Variants in PLCG2 observed in about 807,000 individuals in gnomAD.
PLCG2 encodes phospholipase C gamma 2.
A neutral mutation model predicts 175.6 loss-of-function variants in PLCG2; 69 were observed. The ratio of observed to expected loss-of-function variants is 0.39; its 90% CI spans 0.32 to 0.48. The LOEUF (loss-of-function observed/expected upper bound fraction) is 0.48. Ranked by LOEUF, PLCG2 falls within the 20% of genes least tolerant of loss-of-function variation. The pLI, the probability that PLCG2 is intolerant of heterozygous loss-of-function variation, is 0.91. For missense variants in PLCG2, 1,798 were observed against 1,650.9 expected (o/e 1.09, Z -1.54); for synonymous variants, 827 against 624.0 (o/e 1.33, Z -4.85).
chr16:81,862,165 T>A (rs150003022), intron 5 of PLCG2, among the ~76,000 whole-genome samples: 1 of 152,328 alleles, frequency 6.6e-6, no homozygotes, highest in African/African-American at 2.4e-5. Flanking sequence ...CGAATCGTGT[T>A]TCCTGAAGGA....
intron 30 of PLCG2, among the ~76,000 whole-genome samples, chr16:81,942,221 G>C (rs889044022): frequency 1.3e-5 from 2 of 152,166 alleles, no homozygotes; most frequent in African/African-American, 4.8e-5. Flanking sequence ...ACCCCTCCCA[G>C]TGCCTTGCAG....
chr16:81,933,611 C>T (rs1910593270), intron 25 of PLCG2, among the ~76,000 whole-genome samples: 1 of 151,282 alleles, frequency 6.6e-6, no homozygotes, highest in Non-Finnish European at 1.5e-5. Flanking sequence ...CACTCTGTTG[C>T]CCAGGCTACT....
At chr16:81,944,953 G>T (rs2143751338) in intron 30 of PLCG2, among the ~76,000 whole-genome samples, 1 of 152,234 alleles carries the variant, frequency 6.6e-6, no homozygotes, top group Admixed American at 6.5e-5. Flanking sequence ...GTATGTTTAA[G>T]AATTTTATAT....
At chr16:81,776,588 T>C (rs1910413636), upstream of PLCG2, among the ~76,000 whole-genome samples, 1 of 152,156 alleles carries the variant, frequency 6.6e-6, no homozygotes. Context: ...GGAGTCTTGA[T>C]CTATCACCTA....
intron 12 of PLCG2, 119 bp downstream of exon 12, chr16:81,893,913 A>G (rs1184651887): frequency 8.3e-6 from 5 of 605,018 alleles, no homozygotes; most frequent in South Asian, 2.0e-5. Context: ...ATAACTGTGC[A>G]TATTTATGGA....
intron 2 of PLCG2, among the ~76,000 whole-genome samples, chr16:81,816,662 T>TCC: frequency 7.5e-6 from 1 of 133,408 alleles, no homozygotes; most frequent in African/African-American, 3.1e-5. Context: ...TTTTTTTTTT[T>TCC]TTTTTTTTTT....
intron 8 of PLCG2, among the ~76,000 whole-genome samples, chr16:81,882,054 A>G (rs12446070): frequency 0.28 from 43,192 of 152,106 alleles, 6,475 homozygotes; most frequent in South Asian, 0.36. Context: ...AGACTCCTGG[A>G]CCCTGAGTGT....
At chr16:81,801,035 G>C (rs1911695767) in intron 2 of PLCG2, among the ~76,000 whole-genome samples, 1 of 152,162 alleles carries the variant, frequency 6.6e-6, no homozygotes, top group Admixed American at 6.5e-5. Flanking sequence ...AGAGGGTCTG[G>C]AGAAAGCTTG....
chr16:81,874,478 C>T (rs1458279786), intron 7 of PLCG2, among the ~76,000 whole-genome samples: 1 of 152,226 alleles, frequency 6.6e-6, no homozygotes, highest in African/African-American at 2.4e-5. Flanking sequence ...CTAAGAACCT[C>T]ACTGCTGTTG....
Position 81,907,768 on chromosome 16 carries a change from G to A in PLCG2, c.1551G>A (p.Val517=), listed in dbSNP as rs1909439704. The change falls in exon 16 of 33, where the codon GTG becomes GTA. Residue 517 remains valine, a synonymous_variant. Coordinates refer to ENST00000564138, the MANE Select transcript of PLCG2 (RefSeq NM_002661.5). ...TTGAACAGACTATGGAGGAGGAAGTGCCCCAGGTAGGGGGACACCCTAGCC... is the reference window on the plus strand; with the variant it reads ...TTGAACAGACTATGGAGGAGGAAGTACCCCAGGTAGGGGGACACCCTAGCC... ...DDIEQTMEEE[V]PQDIPPTELH... is the part of the protein sequence containing the mutation. The A allele has an allele frequency of 6.2e-7, 1 of 1,612,492 alleles. No homozygotes were observed. The highest frequency in any genetic ancestry group is 1.3e-5 in the African/African-American group (1 of 74,918).
intron 31 of PLCG2, among the ~76,000 whole-genome samples, chr16:81,947,847 A>G (rs1053942460): frequency 6.6e-6 from 1 of 152,194 alleles, no homozygotes; most frequent in Non-Finnish European, 1.5e-5. Context: ...GGGGAGTTGA[A>G]AAGAGTCCCC....
At chr16:81,856,211 G>T (rs1398225687) in intron 3 of PLCG2, among the ~76,000 whole-genome samples, 1 of 152,202 alleles carries the variant, frequency 6.6e-6, no homozygotes, top group Non-Finnish European at 1.5e-5. Flanking sequence ...GGGAAGATGA[G>T]AGCAGCAGTC....
chr16:81,949,121 T>A (rs1276126673), intron 31 of PLCG2, among the ~76,000 whole-genome samples: 1 of 151,964 alleles, frequency 6.6e-6, no homozygotes, highest in African/African-American at 2.4e-5. Context: ...AACCCCACCA[T>A]GAGATGGAAA....
At chr16:81,940,459 G>C (rs4888194) in intron 30 of PLCG2, among the ~76,000 whole-genome samples, 31,823 of 151,730 alleles carry the variant, frequency 0.21, 4,107 homozygotes, top group African/African-American at 0.37. Flanking sequence ...TGGCATCTTG[G>C]GGGGGGAGTA....
intron 2 of PLCG2, among the ~76,000 whole-genome samples, chr16:81,809,762 A>G (rs1346707376): frequency 2.2e-5 from 3 of 137,528 alleles, no homozygotes; most frequent in African/African-American, 8.4e-5. Flanking sequence ...TTCTGTCCTG[A>G]TTCTAGAGGG....
At chr16:81,898,424 C>G (rs1194478579) in intron 13 of PLCG2, 1 of 152,334 alleles carries the variant, frequency 6.6e-6, no homozygotes, top group Non-Finnish European at 1.5e-5. Context: ...CTGTTATGTT[C>G]TAGTAAGGGT....
At chr16:81,914,778 G>A (rs1262979543) in intron 19 of PLCG2, among the ~76,000 whole-genome samples, 2 of 152,156 alleles carry the variant, frequency 1.3e-5, no homozygotes, top group Non-Finnish European at 2.9e-5. Flanking sequence ...TGGCTGGGAT[G>A]TAGTTGGTGG....
chr16:81,958,298 A>T lies in PLCG2; in HGVS notation c.*300A>T. ...ATAAAAGCAATGAAAACCTTGATCA[A>T]TTAAGCCTTCTGTTGCACGACCTGT... is the stretch of plus-strand genomic sequence containing the variant. On this transcript the variant is annotated 3_prime_UTR_variant, in exon 33 of 33. Coordinates refer to ENST00000564138, the MANE Select transcript of PLCG2 (RefSeq NM_002661.5). 2.4e-6 allele frequency: 1 copy of T among 408,688 alleles called. No individual in the cohort carries two copies. 25.3% of individuals were successfully genotyped at this position (408,688 alleles called of 1,614,324 possible). A position where few individuals can be genotyped will look rare whatever the true frequency, so the allele number is the denominator to read the frequency against.
At chr16:81,771,077 T>G (rs9708827) in intron 2 of PLCG2, among the ~76,000 whole-genome samples, 1 of 98,162 alleles carries the variant, frequency 1.0e-5, no homozygotes, top group African/African-American at 3.8e-5. Flanking sequence ...AAAAAATAAA[T>G]AAATAAATAA....
Sources: allele counts gnomAD v4.1 joint callset (sites outside exome capture counted in the v4.1 genomes callset), GRCh38; gene constraint gnomAD v4.1.1; transcripts MANE v1.5; gene names NCBI Gene and HGNC (gene_info 2026-07-23, HGNC 2026-07-21).